RSU1: variants seen among roughly 807,000 people sequenced by gnomAD.
RSU1 encodes the protein rsu-1.
RSU1 carries 26 observed loss-of-function variants against 31.1 expected under a neutral mutation model. That is an observed-to-expected ratio of 0.84 (90% CI 0.61 to 1.16). RSU1 has a LOEUF of 1.16. Among genes scored for constraint, RSU1 ranks in the 50% most tolerant of loss-of-function variants. The probability of loss-of-function intolerance (pLI) is 0.00; values close to 1 mark genes in which losing one functional copy is unlikely to be tolerated. For synonymous variants in RSU1, 164 were observed against 136.3 expected (o/e 1.20, Z -1.41); for missense variants, 320 against 339.1 (o/e 0.94, Z 0.44).
intron 8 of RSU1, among the ~76,000 whole-genome samples, chr10:16,630,930 T>C (rs1181828091): frequency 6.6e-6 from 1 of 152,236 alleles, no homozygotes; most frequent in Non-Finnish European, 1.5e-5. Flanking sequence ...TCTCTAAACC[T>C]TCTCACTGCG....
intron 7 of RSU1, among the ~76,000 whole-genome samples, chr10:16,706,635 C>A (rs1346731241): frequency 2.6e-5 from 4 of 152,006 alleles, no homozygotes; most frequent in African/African-American, 9.7e-5. Flanking sequence ...TATGGGGGTA[C>A]AATTTGATGT....
chr10:16,813,711 A>G (rs912936947), intron 2 of RSU1, among the ~76,000 whole-genome samples: 1 of 152,158 alleles, frequency 6.6e-6, no homozygotes, highest in Admixed American at 6.5e-5. Context: ...TTCCCCTCCT[A>G]TGTGCTGTAC....
Position 16,695,157 on chromosome 10 carries a change from TGGGGGG to T in RSU1, c.599-8_599-3del. The T allele has an allele frequency of 1.7e-6, 2 of 1,202,566 alleles. No homozygotes were observed. Among genetic ancestry groups the T allele is most frequent in the Admixed American group, 4.9e-5 (2 of 40,564 alleles). 74.5% of individuals were successfully genotyped at this position (1,202,566 alleles called of 1,614,324 possible). ...TCTGGCCAGTTAAATCCAAGTTTCC[TGGGGGG>T]GGGGAAAAAAAAAGTGAAGGTCACT... is the stretch of plus-strand genomic sequence containing the variant. On this transcript the variant is annotated splice_polypyrimidine_tract_variant and splice_region_variant and intron_variant, in intron 7 of 8. Transcript: ENST00000345264.
rs145041452 is a variant in RSU1 at position 16,808,551 on chromosome 10, C to T, written c.109+8422G>A. 1.2e-4 allele frequency among the ~76,000 whole-genome samples: 18 copies of T among 150,306 alleles called. 1 individual carries two copies. The highest frequency in any genetic ancestry group is 3.9e-4 in the African/African-American group (16 of 40,810). On this transcript the variant is annotated intron_variant, in intron 2 of 8. Transcript: ENST00000345264. Reference sequence around the variant, plus strand: ...ACCACTGCCTGAGTGACACTGGGGACTTTATAGAACCTCCATAGCTCTCTA... The same window carrying T: ...ACCACTGCCTGAGTGACACTGGGGATTTTATAGAACCTCCATAGCTCTCTA...
chr10:16,699,646 G>C (rs1350842791), intron 7 of RSU1, among the ~76,000 whole-genome samples: 1 of 152,208 alleles, frequency 6.6e-6, no homozygotes, highest in African/African-American at 2.4e-5. Context: ...TTCTAACAAG[G>C]ATCAGGCAGC....
At position 16,623,096 on chromosome 10, in the gene RSU1, A is replaced by G. The variant is rs559990412; in HGVS notation, c.732-29600T>C. ...TGTAGAGATTTGTCACCTGGACAAA[A>G]TGTGTGATGCTGAGTTTGGGGTACT... On this transcript the variant is annotated intron_variant, in intron 8 of 8. Coordinates refer to ENST00000345264, the MANE Select transcript of RSU1 (RefSeq NM_012425.4). Among the ~76,000 whole-genome samples the G allele has an allele frequency of 2.0e-5, 3 of 152,252 alleles. No homozygotes were observed. In the East Asian group the frequency reaches 5.8e-4, roughly 29 times the overall value.
intron 8 of RSU1, among the ~76,000 whole-genome samples, chr10:16,676,297 C>T (rs768922910): frequency 1.1e-4 from 16 of 152,164 alleles, no homozygotes; most frequent in Non-Finnish European, 2.4e-4. Flanking sequence ...GGAGGCTTCA[C>T]AATCATGGCA....
At chr10:16,670,701 T>C (rs937426924) in intron 8 of RSU1, among the ~76,000 whole-genome samples, 1 of 152,202 alleles carries the variant, frequency 6.6e-6, no homozygotes, top group African/African-American at 2.4e-5. Context: ...TCATGCTCCC[T>C]GCTTTGCCTC....
intron 8 of RSU1, among the ~76,000 whole-genome samples, chr10:16,649,555 G>GTTAC (rs770721478): frequency 2.6e-5 from 4 of 152,168 alleles, no homozygotes; most frequent in Non-Finnish European, 5.9e-5. Flanking sequence ...CAAATGCCCT[G>GTTAC]TTACTACCTT....
intron 2 of RSU1, 45 bp downstream of exon 2, chr10:16,816,924 TAGAA>T: frequency 7.3e-7 from 1 of 1,364,334 alleles, no homozygotes; most frequent in Non-Finnish European, 1.0e-6. Context: ...TTGGCAAACT[TAGAA>T]AGCCTTCCAG....
At chr10:16,698,104 C>T (rs1038371925) in intron 7 of RSU1, among the ~76,000 whole-genome samples, 1 of 148,294 alleles carries the variant, frequency 6.7e-6, no homozygotes, top group Non-Finnish European at 1.5e-5. Flanking sequence ...TTTTCAGGGC[C>T]CTTGGCAAGC....
At chr10:16,632,062 G>A (rs1449330955) in intron 8 of RSU1, among the ~76,000 whole-genome samples, 1 of 152,066 alleles carries the variant, frequency 6.6e-6, no homozygotes, top group Admixed American at 6.5e-5. Flanking sequence ...CCAGAAAGCG[G>A]GTGTGGGAAT....
intron 7 of RSU1, among the ~76,000 whole-genome samples, chr10:16,719,711 G>A: frequency 6.6e-6 from 1 of 152,216 alleles, no homozygotes; most frequent in East Asian, 1.9e-4. Flanking sequence ...TCAGTGTGAT[G>A]CGTGGTGATG....
chr10:16,667,894 C>T (rs566175146), intron 8 of RSU1, among the ~76,000 whole-genome samples: 6 of 152,138 alleles, frequency 3.9e-5, no homozygotes, highest in Admixed American at 6.5e-5. Flanking sequence ...CAAAAAGATA[C>T]GTAATCTGAG....
At position 16,719,886 on chromosome 10, in the gene RSU1, T is replaced by C. The variant is rs533750593; in HGVS notation, c.599-24731A>G. On this transcript the variant is annotated intron_variant, in intron 7 of 8. Coordinates refer to ENST00000345264, the MANE Select transcript of RSU1 (RefSeq NM_012425.4). The stretch of plus-strand genomic sequence containing the variant: ...TCTAACAATTCAAGATTGGGGACAA[T>C]GCTTTCTGCATATATACACCAGAGG... 1.4e-4 allele frequency among the ~76,000 whole-genome samples: 21 copies of C among 152,350 alleles called. No homozygotes were observed. In the South Asian group the frequency reaches 3.3e-3, roughly 24 times the overall value.
At chr10:16,796,411 T>A (rs1387434106) in intron 2 of RSU1, among the ~76,000 whole-genome samples, 1 of 152,026 alleles carries the variant, frequency 6.6e-6, no homozygotes, top group Non-Finnish European at 1.5e-5. Flanking sequence ...TCCAGTCCAT[T>A]CCCTCCACCT....
chr10:16,723,734 T>G (rs900994941), intron 7 of RSU1, among the ~76,000 whole-genome samples: 1 of 152,054 alleles, frequency 6.6e-6, no homozygotes, highest in African/African-American at 2.4e-5. Context: ...CAGCCAGGCC[T>G]GCAGGAAGAT....
intron 2 of RSU1, among the ~76,000 whole-genome samples, chr10:16,799,223 C>T (rs926213617): frequency 6.6e-6 from 1 of 152,022 alleles, no homozygotes; most frequent in Non-Finnish European, 1.5e-5. Flanking sequence ...AGAGATGTAT[C>T]GGGTTTCTGG....
chr10:16,696,814 C>T (rs1172609928), intron 7 of RSU1, among the ~76,000 whole-genome samples: 1 of 150,880 alleles, frequency 6.6e-6, no homozygotes, highest in Non-Finnish European at 1.5e-5. Flanking sequence ...TGGGTTTCAT[C>T]TTGTTGGCAA....
Sources: allele counts gnomAD v4.1 joint callset (sites outside exome capture counted in the v4.1 genomes callset), GRCh38; gene constraint gnomAD v4.1.1; transcripts MANE v1.5; gene names NCBI Gene and HGNC (gene_info 2026-07-23, HGNC 2026-07-21).